The following SCO1 variants were observed in gnomAD, a reference collection of about 807,000 sequenced individuals.
SCO1 encodes synthesis of cytochrome C oxidase 1.
In SCO1, 23 loss-of-function variants were observed where a neutral mutation model predicts 34.0. The ratio of observed to expected loss-of-function variants is 0.68; its 90% CI spans 0.49 to 0.96. SCO1 has a LOEUF of 0.96. Among genes scored for constraint, SCO1 ranks in the 40% least tolerant of loss-of-function variants. The pLI is 0.00. For synonymous variants in SCO1, 161 were observed against 145.5 expected (o/e 1.11, Z -0.77); for missense variants, 404 against 381.6 (o/e 1.06, Z -0.49).
chr17:10,686,674 C>T, intron 5 of SCO1, 53 bp downstream of exon 5: 1 of 1,046,020 alleles, frequency 9.6e-7, no homozygotes, highest in Non-Finnish European at 1.5e-6. Flanking sequence ...AGCCTTATGA[C>T]TATTTGGGAT....
intron 2 of SCO1, among the ~76,000 whole-genome samples, chr17:10,694,420 G>A (rs182155552): frequency 1.3e-5 from 2 of 151,962 alleles, no homozygotes; most frequent in East Asian, 3.9e-4. Flanking sequence ...TGGGCAACAG[G>A]AGTGAAACTC....
rs1490126273 is a variant in SCO1 at position 10,691,939 on chromosome 17, T to C, written c.588A>G (p.Leu196=). 2 of 1,613,356 alleles carry C rather than the reference T, an allele frequency of 1.2e-6. No homozygotes were observed. Among genetic ancestry groups the C allele is most frequent in the East Asian group, 2.2e-5 (1 of 44,878 alleles). Residue 196 remains leucine (L), a synonymous_variant, in exon 4 of 6, where the codon CTA becomes CTG. Transcript: ENST00000255390. The part of the protein sequence containing the change: ...EIDSITTLPD[L]TPLFISIDPE... ...GGTCAATGCTGATGAAAAGTGGAGT[T>C]AGATCTGGCAGAGTTGTAATGCTAT...
chr17:10,682,552 T>TA (rs914160483), intron 5 of SCO1, among the ~76,000 whole-genome samples: 23 of 152,000 alleles, frequency 1.5e-4, no homozygotes, highest in African/African-American at 3.4e-4. Flanking sequence ...TATTCTCTGT[T>TA]AAAAAAAACA....
rs2074566931 is a variant in SCO1, at chr17:10,674,321, G to A, written c.*6798C>T. ...GGCGCCTGTAATCCCAGCTACTTGG[G>A]AGGCTGAGGCAGCAGAATCACTTGA... is the stretch of plus-strand genomic sequence containing the variant. On this transcript the variant is annotated 3_prime_UTR_variant, in exon 6 of 6. Coordinates refer to ENST00000255390, the MANE Select transcript of SCO1 (RefSeq NM_004589.4). The A allele has an allele frequency of 6.0e-6, 1 of 165,314 alleles. No individual in the cohort carries two copies. The highest frequency in any genetic ancestry group is 1.3e-5 in the Non-Finnish European group (1 of 76,320). The allele number at this position is 165,314 out of a possible 1,614,324, so 10.2% of individuals were successfully genotyped here. A position where few individuals can be genotyped will look rare whatever the true frequency, so the allele number is the denominator to read the frequency against.
chr17:10,683,540 C>A (rs1388317917), intron 5 of SCO1, among the ~76,000 whole-genome samples: 1 of 152,036 alleles, frequency 6.6e-6, no homozygotes, highest in Non-Finnish European at 1.5e-5. Context: ...TTCACTCCTG[C>A]AGTTTATTTC....
intron 5 of SCO1, among the ~76,000 whole-genome samples, chr17:10,683,201 C>G (rs77984621): frequency 0.019 from 2,959 of 151,990 alleles, 108 homozygotes; most frequent in African/African-American, 0.066. Context: ...TCTGCATCTA[C>G]TATGTGTATA....
rs561229521 is a variant in SCO1 at position 10,686,044 on chromosome 17, C to G, written c.771+683G>C. On this transcript the variant is annotated intron_variant, in intron 5 of 5. Coordinates refer to ENST00000255390, the MANE Select transcript of SCO1 (RefSeq NM_004589.4). ...GGTCAGGAATTCGAGACCCCCTGGC[C>G]TCGCCTGGCCAACATGGCAAAACTC... Among the ~76,000 whole-genome samples the G allele has an allele frequency of 8.7e-4, 133 of 152,224 alleles. 1 individual carries two copies. The highest frequency in any genetic ancestry group is 2.7e-3 in the African/African-American group (114 of 41,554).
At position 10,681,205 on chromosome 17, in the gene SCO1, G is replaced by T. The variant is rs911282576; in HGVS notation, c.820C>A (p.Leu274Ile). 1.9e-6 allele frequency: 3 copies of T among 1,613,944 alleles called. No individual in the cohort carries two copies. The African/African-American group carries it at 4.0e-5, about 22-fold the overall frequency. ...CTCTTGTTCTGGCCAAAATAATCTA[G>T]AAACTCACCATCTGGTCCAATCAAG... ...MYLIGPDGEF[L>I]DYFGQNKRKG... The change falls in exon 6 of 6, where the codon CTA becomes ATA. Residue 274 changes from leucine (L) to isoleucine (I), a missense_variant. Coordinates refer to ENST00000255390, the MANE Select transcript of SCO1 (RefSeq NM_004589.4).
rs2074576169 is a variant in SCO1, at chr17:10,675,714, T to C, written c.*5405A>G. 6.6e-6 allele frequency: 1 copy of C among 152,252 alleles called. No individual in the cohort carries two copies. The highest frequency in any genetic ancestry group is 2.4e-5 in the African/African-American group (1 of 41,546). 9.4% of individuals were successfully genotyped at this position (152,252 alleles called of 1,614,324 possible). ...AGTATCATACTTCATCCTAACACAATTATTCCTGTTTTACAAATTTAAAGA... is the reference window on the plus strand; with the variant it reads ...AGTATCATACTTCATCCTAACACAACTATTCCTGTTTTACAAATTTAAAGA... On this transcript the variant is annotated 3_prime_UTR_variant, in exon 6 of 6. Coordinates refer to ENST00000255390, the MANE Select transcript of SCO1 (RefSeq NM_004589.4).
chr17:10,692,119 A>G (rs748901606), intron 3 of SCO1, among the ~76,000 whole-genome samples, 155 bp from the exon 4 acceptor site: 7 of 152,196 alleles, frequency 4.6e-5, no homozygotes, highest in Non-Finnish European at 1.0e-4. Context: ...GAGGACGGGG[A>G]AGGGGATGGA....
chr17:10,693,129 G>A (rs768255502), intron 2 of SCO1, among the ~76,000 whole-genome samples, 168 bp from the exon 3 acceptor site: 1 of 152,114 alleles, frequency 6.6e-6, no homozygotes, highest in Admixed American at 6.6e-5. Flanking sequence ...AGAAAAATAA[G>A]CACAAAACAT....
intron 4 of SCO1, among the ~76,000 whole-genome samples, chr17:10,689,298 T>C (rs1457421226): frequency 1.3e-5 from 2 of 152,178 alleles, no homozygotes; most frequent in East Asian, 3.8e-4. Flanking sequence ...CTATACTTTA[T>C]TGCATGTCAA....
At chr17:10,684,164 A>C (rs180791676) in intron 5 of SCO1, among the ~76,000 whole-genome samples, 16 of 152,366 alleles carry the variant, frequency 1.1e-4, no homozygotes, top group African/African-American at 3.8e-4. Context: ...TACATTCTAC[A>C]AGGTCCAAGA....
intron 4 of SCO1, among the ~76,000 whole-genome samples, chr17:10,688,114 T>C (rs899660144): frequency 1.3e-5 from 2 of 152,204 alleles, no homozygotes; most frequent in Non-Finnish European, 2.9e-5. Flanking sequence ...AGATTTCTTA[T>C]ATACCAAACC....
In SCO1 at chr17:10,677,873, T is replaced by G. The variant is rs1012090248; in HGVS notation, c.*3246A>C. 1 of 152,270 alleles carries G rather than the reference T, an allele frequency of 6.6e-6. No individual in the cohort carries two copies. The highest frequency in any genetic ancestry group is 2.4e-5 in the African/African-American group (1 of 41,440). The allele number at this position is 152,270 out of a possible 1,614,324, so 9.4% of individuals were successfully genotyped here. A position where few individuals can be genotyped will look rare whatever the true frequency, so the allele number is the denominator to read the frequency against. ...GGCTCACACCTGTAATCCCAGCACT[T>G]TGGGAGGCCGAGGCGGCGGATCACC... is the stretch of plus-strand genomic sequence containing the variant. On this transcript the variant is annotated 3_prime_UTR_variant, in exon 6 of 6. Transcript: ENST00000255390.
rs2074620508 is a variant in SCO1 at position 10,681,242 on chromosome 17, T to C, written c.783A>G (p.Thr261=). 4 of 1,614,120 alleles carry C rather than the reference T, an allele frequency of 2.5e-6. No homozygotes were observed. The highest frequency in any genetic ancestry group is 1.1e-5 in the South Asian group (1 of 91,080). The change falls in exon 6 of 6, where the codon ACA becomes ACG. Residue 261 remains threonine (T), a synonymous_variant. Transcript: ENST00000255390. ...DEDEDYIVDH[T]IIMYLIGPDG... is the part of the protein sequence containing the mutation. Reference sequence around the variant, plus strand: ...CTGGTCCAATCAAGTACATTATTATTGTGTGATCCACCTGCAGAGAAAAGG... The same window carrying C: ...CTGGTCCAATCAAGTACATTATTATCGTGTGATCCACCTGCAGAGAAAAGG...
At chr17:10,681,335 A>T in intron 5 of SCO1, 82 bp from the exon 6 acceptor site, 1 of 1,415,272 alleles carries the variant, frequency 7.1e-7, no homozygotes, top group Admixed American at 1.7e-5. Context: ...GCAAGATAAG[A>T]GAACTTTACA....
rs371259754 is a variant in SCO1 at position 10,693,009 on chromosome 17, C to G, written c.365-48G>C. 1.9e-5 allele frequency: 29 copies of G among 1,544,900 alleles called. No homozygotes were observed. The African/African-American group carries it at 3.3e-4, about 17-fold the overall frequency. On this transcript the variant is annotated intron_variant, in intron 2 of 5. Transcript: ENST00000255390. ...GACACCAAAAAAAAAGTCAATTTAACCAGAGGTACTCAAATACCTGACATA... is the reference window on the plus strand; with the variant it reads ...GACACCAAAAAAAAAGTCAATTTAAGCAGAGGTACTCAAATACCTGACATA...
chr17:10,694,748 C>T (rs141267793), intron 2 of SCO1, among the ~76,000 whole-genome samples: 9 of 152,118 alleles, frequency 5.9e-5, no homozygotes, highest in South Asian at 2.1e-4. Flanking sequence ...AGAATTTTCC[C>T]GCCACAACTT....
Sources: gnomAD v4.1 joint callset for allele counts (sites outside exome capture counted in the v4.1 genomes callset) on GRCh38, gnomAD v4.1.1 for gene constraint, MANE v1.5 for transcripts, NCBI Gene and HGNC (gene_info 2026-07-23, HGNC 2026-07-21) for gene names.